GNA14: variants seen among roughly 807,000 people sequenced by gnomAD.
GNA14 encodes G protein subunit alpha 14.
GNA14 carries 50 observed loss-of-function variants against 42.0 expected under a neutral mutation model. The observed-to-expected ratio is 1.19, with a 90% CI of 0.95 to 1.51. The LOEUF is 1.51. Ranked by LOEUF, GNA14 falls within the 40% of genes most tolerant of loss-of-function variation. The probability of loss-of-function intolerance (pLI) is 0.00; values close to 1 mark genes in which losing one functional copy is unlikely to be tolerated. For synonymous variants in GNA14, 173 were observed against 163.1 expected (o/e 1.06, Z -0.46); for missense variants, 473 against 446.2 (o/e 1.06, Z -0.54).
intron 2 of GNA14, among the ~76,000 whole-genome samples, chr9:77,450,797 G>A (rs1269592797): frequency 1.3e-5 from 2 of 152,054 alleles, no homozygotes; most frequent in Non-Finnish European, 2.9e-5. Context: ...GGAGGGAACT[G>A]ATGGGAAGTA....
At chr9:77,549,563 G>A (rs183211009) in intron 1 of GNA14, among the ~76,000 whole-genome samples, 2 of 152,148 alleles carry the variant, frequency 1.3e-5, no homozygotes, top group African/African-American at 4.8e-5. Flanking sequence ...CCCACAACTA[G>A]ATTAAAAATA....
At chr9:77,539,094 A>G (rs745771198) in intron 1 of GNA14, among the ~76,000 whole-genome samples, 4 of 152,174 alleles carry the variant, frequency 2.6e-5, no homozygotes, top group Non-Finnish European at 2.9e-5. Context: ...TCCATACCTT[A>G]GAAGAAAGAG....
At position 77,434,336 on chromosome 9, in the gene GNA14, C is replaced by T. The variant is rs373217761; in HGVS notation, c.464+32G>A. ...GTGTGGCCGAGCTTGCCTGAAAGCA[C>T]CGCGGGCGGCCAGGGTGGGCTCTGT... On this transcript the variant is annotated intron_variant, in intron 3 of 6. Transcript: ENST00000341700. 6.3e-6 allele frequency: 10 copies of T among 1,586,064 alleles called. No homozygotes were observed. The South Asian group carries it at 1.0e-4, about 16-fold the overall frequency.
rs529077795 is a variant in GNA14, at chr9:77,631,221, C to T, written c.124+16449G>A. 3.9e-5 allele frequency among the ~76,000 whole-genome samples: 6 copies of T among 152,202 alleles called. No homozygotes were observed. In the South Asian group the frequency reaches 1.0e-3, roughly 26 times the overall value. On this transcript the variant is annotated intron_variant, in intron 1 of 6. Transcript: ENST00000341700. ...AAAATATGGCTGCTGCAGCTCCTAC[C>T]GTCAGGTTACATCTTCCTCTAGAAG...
chr9:77,445,186 T>A (rs10124387), intron 2 of GNA14, among the ~76,000 whole-genome samples: 8,534 of 152,256 alleles, frequency 0.056, 317 homozygotes, highest in African/African-American at 0.096. Flanking sequence ...CTGCCTGTGC[T>A]TGCCAAAGAT....
chr9:77,441,337 G>T (rs10781436), intron 2 of GNA14, among the ~76,000 whole-genome samples: 109,719 of 151,946 alleles, frequency 0.72, 41,109 homozygotes, highest in African/African-American at 0.93. Context: ...CTTCACATGC[G>T]CACACTTTCT....
intron 1 of GNA14, among the ~76,000 whole-genome samples, chr9:77,582,284 C>A (rs2440233): frequency 0.67 from 102,250 of 152,062 alleles, 34,744 homozygotes; most frequent in East Asian, 0.83. Flanking sequence ...TTCACAACTT[C>A]AGTGGGCCCT....
chr9:77,472,468 A>T (rs1480427581), intron 2 of GNA14, among the ~76,000 whole-genome samples: 1 of 152,178 alleles, frequency 6.6e-6, no homozygotes, highest in Non-Finnish European at 1.5e-5. Context: ...CCAGAGAAAA[A>T]GGGAAGAATT....
chr9:77,432,397 C>A (rs762297108), intron 3 of GNA14, among the ~76,000 whole-genome samples: 2 of 152,218 alleles, frequency 1.3e-5, no homozygotes, highest in Non-Finnish European at 2.9e-5. Flanking sequence ...GGGCTTATCA[C>A]TGTTTTTGCT....
At chr9:77,647,616 A>C in intron 1 of GNA14, 54 bp downstream of exon 1, 1 of 1,573,438 alleles carries the variant, frequency 6.4e-7, no homozygotes, top group Non-Finnish European at 8.6e-7. Flanking sequence ...AGAGGCCGGG[A>C]GGGCTCGGAA....
intron 1 of GNA14, among the ~76,000 whole-genome samples, chr9:77,595,516 C>T (rs898235807): frequency 1.3e-5 from 2 of 152,150 alleles, no homozygotes; most frequent in Non-Finnish European, 2.9e-5. Flanking sequence ...TGAGCCCTTC[C>T]CACAGAGTTA....
At chr9:77,604,041 C>T (rs924517632) in intron 1 of GNA14, among the ~76,000 whole-genome samples, 1 of 142,702 alleles carries the variant, frequency 7.0e-6, no homozygotes, top group East Asian at 2.2e-4. Flanking sequence ...TGGAACATTA[C>T]TTTTAATATG....
chr9:77,521,499 T>C (rs975416919), intron 2 of GNA14, among the ~76,000 whole-genome samples: 1 of 152,214 alleles, frequency 6.6e-6, no homozygotes, highest in Non-Finnish European at 1.5e-5. Flanking sequence ...CCATTTTCAC[T>C]GAACTCTGAC....
intron 2 of GNA14, among the ~76,000 whole-genome samples, chr9:77,445,350 T>C (rs1295738722): frequency 6.6e-6 from 1 of 152,042 alleles, no homozygotes; most frequent in African/African-American, 2.4e-5. Flanking sequence ...CAGCATCTGG[T>C]AGCCCAACTC....
chr9:77,443,276 T>G (rs1250257211), intron 2 of GNA14, among the ~76,000 whole-genome samples: 1 of 152,198 alleles, frequency 6.6e-6, no homozygotes, highest in Admixed American at 6.5e-5. Flanking sequence ...TTTATAAAAA[T>G]ACTTTTAAAA....
At chr9:77,425,420 T>G in intron 6 of GNA14, 142 bp downstream of exon 6, 3 of 584,348 alleles carry the variant, frequency 5.1e-6, no homozygotes, top group Non-Finnish European at 6.0e-6. Context: ...CAACTAGAGC[T>G]TCTGTTTGAA....
At chr9:77,636,124 G>A (rs1824180290) in intron 1 of GNA14, among the ~76,000 whole-genome samples, 1 of 152,126 alleles carries the variant, frequency 6.6e-6, no homozygotes, top group South Asian at 2.1e-4. Context: ...ACCTTCATTT[G>A]ATTTTTATTA....
At chr9:77,636,748 G>A (rs1281944256) in intron 1 of GNA14, among the ~76,000 whole-genome samples, 3 of 152,222 alleles carry the variant, frequency 2.0e-5, no homozygotes, top group African/African-American at 7.2e-5. Context: ...ATCTATTCTT[G>A]AGGGATCTGA....
chr9:77,642,295 CTG>C (rs1212365044), intron 1 of GNA14, among the ~76,000 whole-genome samples: 1 of 152,184 alleles, frequency 6.6e-6, no homozygotes, highest in East Asian at 1.9e-4. Context: ...TCAGGAACTG[CTG>C]TGTTATAGAT....
Sources: allele counts gnomAD v4.1 joint callset (sites outside exome capture counted in the v4.1 genomes callset), GRCh38; gene constraint gnomAD v4.1.1; transcripts MANE v1.5; gene names NCBI Gene and HGNC (gene_info 2026-07-23, HGNC 2026-07-21).